PNPO: variants seen among roughly 807,000 people sequenced by gnomAD.
PNPO encodes pyridoxamine 5'-phosphate oxidase, also known as pyridoxine-5'-phosphate oxidase.
A neutral mutation model predicts 35.0 loss-of-function variants in PNPO; 39 were observed. The ratio of observed to expected loss-of-function variants is 1.11; its 90% CI spans 0.86 to 1.45. The LOEUF is 1.45. Ranked by LOEUF, PNPO falls within the 40% of genes most tolerant of loss-of-function variation. PNPO has a pLI of 0.00. For synonymous variants in PNPO, 115 were observed against 119.8 expected (o/e 0.96, Z 0.26); for missense variants, 288 against 340.0 (o/e 0.85, Z 1.20).
chr17:47,946,212 G>T, intron 5 of PNPO, 111 bp from the exon 6 acceptor site: 1 of 1,037,326 alleles, frequency 9.6e-7, no homozygotes, highest in Admixed American at 1.7e-5. Flanking sequence ...CTGGAGGACA[G>T]AGGCCAGTCT....
Position 47,941,729 on chromosome 17 carries a change from G to A in PNPO, c.54G>A (p.Trp18Ter). Reference protein sequence around the residue: ...VTATFGRPAEWPGYLSHLCGR... With the variant: ...VTATFGRPAE ...CGACGTTCGGGCGACCTGCCGAGTGGCCAGGCTACCTCAGTCACCTGTGTG... is the reference window on the plus strand; with the variant it reads ...CGACGTTCGGGCGACCTGCCGAGTGACCAGGCTACCTCAGTCACCTGTGTG... The change falls in exon 1 of 7, where the codon TGG becomes TGA. Residue 18 changes from tryptophan to a stop codon, truncating the protein, a stop_gained. Coordinates refer to ENST00000642017, the MANE Select transcript of PNPO (RefSeq NM_018129.4). LOFTEE classifies it high-confidence loss of function. 6.5e-7 allele frequency: 1 copy of A among 1,549,658 alleles called. No homozygotes were observed. Among genetic ancestry groups the A allele is most frequent in the Non-Finnish European group, 8.7e-7 (1 of 1,145,892 alleles).
In PNPO at chr17:47,946,897, C is replaced by G. The variant is rs1318643237; in HGVS notation, c.*115C>G. ...ACCCATTTCCCTCCCTACCCCTTATCTTCAGGACTCTTCAGAGCTAATCCT... is the reference window on the plus strand; with the variant it reads ...ACCCATTTCCCTCCCTACCCCTTATGTTCAGGACTCTTCAGAGCTAATCCT... On this transcript the variant is annotated 3_prime_UTR_variant, in exon 7 of 7. Coordinates refer to ENST00000642017, the MANE Select transcript of PNPO (RefSeq NM_018129.4). The G allele has an allele frequency of 1.2e-6, 1 of 869,224 alleles. No individual in the cohort carries two copies. Among genetic ancestry groups the G allele is most frequent in the East Asian group, 2.6e-5 (1 of 38,884 alleles). 53.8% of individuals were successfully genotyped at this position (869,224 alleles called of 1,614,324 possible). A position where few individuals can be genotyped will look rare whatever the true frequency, so the allele number is the denominator to read the frequency against.
At chr17:47,946,141 TG>T in intron 5 of PNPO, 152 bp downstream of exon 5, 1 of 1,163,856 alleles carries the variant, frequency 8.6e-7, no homozygotes, top group Non-Finnish European at 1.3e-6. Context: ...GAAGGGAAAG[TG>T]GGGGTAGGGA....
At chr17:47,941,886 G>A (rs1189541905) in intron 1 of PNPO, 73 bp downstream of exon 1, 1 of 1,487,750 alleles carries the variant, frequency 6.7e-7, no homozygotes, top group South Asian at 1.3e-5. Context: ...ACAGCGGGGA[G>A]GGGAGTAGTA....
At chr17:47,946,096 C>T in intron 5 of PNPO, 107 bp downstream of exon 5, 1 of 1,431,424 alleles carries the variant, frequency 7.0e-7, no homozygotes, top group Non-Finnish European at 9.7e-7. Flanking sequence ...TGTCCTCTCT[C>T]TCCAGCCCAG....
In PNPO at chr17:47,945,241, C is replaced by A. The variant is rs1311578871; in HGVS notation, c.364-318C>A. The A allele has an allele frequency of 1.2e-5, 5 of 421,504 alleles. No homozygotes were observed. The highest frequency in any genetic ancestry group is 5.3e-5 in the East Asian group (1 of 18,766). 26.1% of individuals were successfully genotyped at this position (421,504 alleles called of 1,614,324 possible). A position where few individuals can be genotyped will look rare whatever the true frequency, so the allele number is the denominator to read the frequency against. The stretch of plus-strand genomic sequence containing the variant: ...AATGAATGAATCCAAAATGAGTAAA[C>A]CTCCCTGAGTCCATGCCAGCCAAGC... On this transcript the variant is annotated intron_variant, in intron 3 of 6. Coordinates refer to ENST00000642017, the MANE Select transcript of PNPO (RefSeq NM_018129.4). This position sits in a 1 kb window ranked among gnomAD's most constrained non-coding sequence, Gnocchi z 4.0.
At position 47,945,084 on chromosome 17, in the gene PNPO, T is replaced by G; in HGVS notation, c.363+369T>G. 1 of 391,368 alleles carries G rather than the reference T, an allele frequency of 2.6e-6. No homozygotes were observed. Among genetic ancestry groups the G allele is most frequent in the Non-Finnish European group, 4.9e-6 (1 of 205,844 alleles). The allele number at this position is 391,368 out of a possible 1,614,324, so 24.2% of individuals were successfully genotyped here. A position where few individuals can be genotyped will look rare whatever the true frequency, so the allele number is the denominator to read the frequency against. On this transcript the variant is annotated intron_variant, in intron 3 of 6. Coordinates refer to ENST00000642017, the MANE Select transcript of PNPO (RefSeq NM_018129.4). This position sits in a 1 kb window ranked among gnomAD's most constrained non-coding sequence, Gnocchi z 4.0. ...GTAACTGAGCATTTGTTTGGGTGAT[T>G]ATGTAACTGATATTTGTCTCCTCTG...
In PNPO at chr17:47,945,807, G is replaced by C; in HGVS notation, c.418-54G>C. 6.2e-7 allele frequency: 1 copy of C among 1,600,198 alleles called. No individual in the cohort carries two copies. The highest frequency in any genetic ancestry group is 8.5e-7 in the Non-Finnish European group (1 of 1,173,318). ...ACAGAGAGGAACGGGGCCTGTGCTG[G>C]TAGGGAGGGCAGGTGGCATTTAATG... On this transcript the variant is annotated intron_variant, in intron 4 of 6. Coordinates refer to ENST00000642017, the MANE Select transcript of PNPO (RefSeq NM_018129.4). The surrounding 1 kb of genome is among the most constrained non-coding windows in gnomAD (Gnocchi z 4.0).
chr17:47,945,529 G>C lies in PNPO; in HGVS notation c.364-30G>C. The C allele has an allele frequency of 6.2e-7, 1 of 1,600,884 alleles. No homozygotes were observed. Among genetic ancestry groups the C allele is most frequent in the Non-Finnish European group, 8.6e-7 (1 of 1,168,096 alleles). ...GGAGGCCTCCTCTCCCTGTCCTGAT[G>C]GCTGGCTGTGGATTCTCTTTTACTT... On this transcript the variant is annotated intron_variant, in intron 3 of 6. Coordinates refer to ENST00000642017, the MANE Select transcript of PNPO (RefSeq NM_018129.4). The surrounding 1 kb of genome is among the most constrained non-coding windows in gnomAD (Gnocchi z 4.0).
rs2036033011 is a variant in PNPO at position 47,948,071 on chromosome 17, AATCACACCT to A, written c.*1290_*1298del. Reference sequence around the variant, plus strand: ...CTCAATATTGGGAGAGATTTCAAACAATCACACCTGCCTGAGAAGGAGTGGGCTGTCACT... The same window carrying A: ...CTCAATATTGGGAGAGATTTCAAACAGCCTGAGAAGGAGTGGGCTGTCACT... On this transcript the variant is annotated 3_prime_UTR_variant, in exon 7 of 7. Coordinates refer to ENST00000642017, the MANE Select transcript of PNPO (RefSeq NM_018129.4). 6.6e-6 allele frequency: 1 copy of A among 152,194 alleles called. No homozygotes were observed. Among genetic ancestry groups the A allele is most frequent in the Non-Finnish European group, 1.5e-5 (1 of 68,036 alleles). 9.4% of individuals were successfully genotyped at this position (152,194 alleles called of 1,614,324 possible).
Position 47,946,483 on chromosome 17 carries a change from C to G in PNPO, c.617+90C>G. ...TGCCTGGGGAATCACAGATCTCCTC[C>G]TCCCTGGCCACCCTTGTCAGATGCA... On this transcript the variant is annotated intron_variant, in intron 6 of 6. Transcript: ENST00000642017. The G allele has an allele frequency of 2.2e-6, 3 of 1,388,420 alleles. No individual in the cohort carries two copies. In the South Asian group the frequency reaches 3.5e-5, roughly 16 times the overall value. 86.0% of individuals were successfully genotyped at this position (1,388,420 alleles called of 1,614,324 possible).
At position 47,941,649 on chromosome 17, in the gene PNPO, G is replaced by T. The variant is rs2035935118; in HGVS notation, c.-27G>T. On this transcript the variant is annotated 5_prime_UTR_variant, in exon 1 of 7. Coordinates refer to ENST00000642017, the MANE Select transcript of PNPO (RefSeq NM_018129.4). ...CAAAGGAACCCAGTGCCGGGCCACA[G>T]CCGGGTCACGTGGCCGGCGGCCCCC... The T allele has an allele frequency of 6.6e-7, 1 of 1,518,804 alleles. No individual in the cohort carries two copies. The highest frequency in any genetic ancestry group is 2.5e-5 in the East Asian group (1 of 40,150). The allele number at this position is 1,518,804 out of a possible 1,614,324, so 94.1% of individuals were successfully genotyped here. A position where few individuals can be genotyped will look rare whatever the true frequency, so the allele number is the denominator to read the frequency against.
Position 47,946,382 on chromosome 17 carries a change from G to A in PNPO, c.606G>A (p.Lys202=), listed in dbSNP as rs1426539031. Residue 202 remains lysine (K), a synonymous_variant, in exon 6 of 7, where the codon AAG becomes AAA. Transcript: ENST00000642017. ...TCTACCAGGATCAAGAGGTGCCCAA[G>A]CCAAAATCCTGGTGAGTGACATCTG... ...EQLYQDQEVP[K]PKSWGGYVLY... 1 of 1,612,798 alleles carries A rather than the reference G, an allele frequency of 6.2e-7. No individual in the cohort carries two copies. Among genetic ancestry groups the A allele is most frequent in the South Asian group, 1.1e-5 (1 of 91,056 alleles).
Position 47,945,494 on chromosome 17 carries a change from C to A in PNPO, c.364-65C>A. The stretch of plus-strand genomic sequence containing the variant: ...CGCACTACAGCTCTCCTGCCTTTTC[C>A]CTGCATGCCGGAGGCCTCCTCTCCC... On this transcript the variant is annotated intron_variant, in intron 3 of 6. Transcript: ENST00000642017. The surrounding 1 kb of genome is among the most constrained non-coding windows in gnomAD (Gnocchi z 4.0). The A allele has an allele frequency of 7.7e-7, 1 of 1,300,564 alleles. No homozygotes were observed. The highest frequency in any genetic ancestry group is 1.1e-6 in the Non-Finnish European group (1 of 894,254). The allele number at this position is 1,300,564 out of a possible 1,614,324, so 80.6% of individuals were successfully genotyped here. A position where few individuals can be genotyped will look rare whatever the true frequency, so the allele number is the denominator to read the frequency against.
At chr17:47,946,015 C>T in intron 5 of PNPO, 26 bp downstream of exon 5, 1 of 1,612,846 alleles carries the variant, frequency 6.2e-7, no homozygotes, top group Non-Finnish European at 8.5e-7. Flanking sequence ...CTGTAGTCCT[C>T]CAGGTGGTGG....
rs139643093 is a variant in PNPO at position 47,946,693 on chromosome 17, C to A, written c.697C>A (p.Arg233=). Residue 233 remains arginine (R), a synonymous_variant, in exon 7 of 7, where the codon CGG becomes AGG. Transcript: ENST00000642017. The part of the protein sequence containing the change: ...TNRLHDRIVF[R]RGLPTGDSPL... Reference sequence around the variant, plus strand: ...CCGCCTGCATGACCGGATAGTCTTTCGGCGGGGCCTACCCACAGGAGATTC... The same window carrying A: ...CCGCCTGCATGACCGGATAGTCTTTAGGCGGGGCCTACCCACAGGAGATTC... The A allele has an allele frequency of 6.2e-7, 1 of 1,614,156 alleles. No individual in the cohort carries two copies. The highest frequency in any genetic ancestry group is 8.5e-7 in the Non-Finnish European group (1 of 1,180,014).
rs368997507 is a variant in PNPO, at chr17:47,946,396, G to A, written c.617+3G>A. On this transcript the variant is annotated splice_donor_region_variant and intron_variant, in intron 6 of 6. Transcript: ENST00000642017. ...GAGGTGCCCAAGCCAAAATCCTGGT[G>A]AGTGACATCTGGTAGTCCTCTAGAA... 3 of 1,607,514 alleles carry A rather than the reference G, an allele frequency of 1.9e-6. No homozygotes were observed. Among genetic ancestry groups the A allele is most frequent in the Admixed American group, 1.7e-5 (1 of 60,000 alleles).
In PNPO at chr17:47,943,294, C is replaced by T; in HGVS notation, c.139-12C>T. The T allele has an allele frequency of 6.2e-7, 1 of 1,609,790 alleles. No homozygotes were observed. The highest frequency in any genetic ancestry group is 8.5e-7 in the Non-Finnish European group (1 of 1,176,510). ...TATATGTTTATTAAATGAAATAAAT[C>T]TCCTTTCCTAGGCATTTGAGGAGAC... On this transcript the variant is annotated splice_polypyrimidine_tract_variant and intron_variant, in intron 1 of 6. Coordinates refer to ENST00000642017, the MANE Select transcript of PNPO (RefSeq NM_018129.4).
At position 47,944,200 on chromosome 17, in the gene PNPO, C is replaced by CGTGTGTGTGT. The variant is rs3047638; in HGVS notation, c.264-389_264-380dup. Among the ~76,000 whole-genome samples, 1,113 of 142,222 alleles carry CGTGTGTGTGT rather than the reference C, an allele frequency of 7.8e-3. 9 individuals carry two copies. The highest frequency in any genetic ancestry group is 0.022 in the East Asian group (106 of 4,788). 93.3% of individuals were successfully genotyped at this position (142,222 alleles called of 152,430 possible). A position where few individuals can be genotyped will look rare whatever the true frequency, so the allele number is the denominator to read the frequency against. On this transcript the variant is annotated intron_variant, in intron 2 of 6. Coordinates refer to ENST00000642017, the MANE Select transcript of PNPO (RefSeq NM_018129.4). ...TTTACCATGTCCTCACACTGCCTTT[C>CGTGTGTGTGT]GTGTGTGTGTGTGTGTGTGTGTGTG...
Sources: gnomAD v4.1 joint callset for allele counts (sites outside exome capture counted in the v4.1 genomes callset) on GRCh38, gnomAD v4.1.1 for gene constraint, Gnocchi (gnomAD v3.1) non-coding constraint, MANE v1.5 for transcripts, NCBI Gene and HGNC (gene_info 2026-07-23, HGNC 2026-07-21) for gene names.